The following PHLPP1 variants were observed in gnomAD, a reference collection of about 807,000 sequenced individuals.
PHLPP1 encodes PH domain leucine-rich repeat-containing protein phosphatase 1.
Under a neutral mutation model 117.2 loss-of-function variants are expected in PHLPP1, and 42 were observed. The observed-to-expected ratio is 0.36, with a 90% CI of 0.28 to 0.46. The LOEUF (loss-of-function observed/expected upper bound fraction) is 0.46. PHLPP1 is among the 20% of genes least tolerant of loss of function. The probability of loss-of-function intolerance (pLI) is 1.00; values close to 1 mark genes in which losing one functional copy is unlikely to be tolerated. For missense variants in PHLPP1, 2,084 were observed against 2,241.9 expected (o/e 0.93, Z 1.42); for synonymous variants, 1,042 against 970.7 (o/e 1.07, Z -1.37).
At position 62,903,150 on chromosome 18, in the gene PHLPP1, C is replaced by G. The variant is rs1334448371; in HGVS notation, c.2631C>G (p.Leu877=). 1.2e-6 allele frequency: 2 copies of G among 1,610,842 alleles called. No homozygotes were observed. The highest frequency in any genetic ancestry group is 1.7e-6 in the Non-Finnish European group (2 of 1,177,842). The change falls in exon 7 of 17, where the codon CTC becomes CTG. Residue 877 remains leucine, a synonymous_variant. Coordinates refer to ENST00000262719, the MANE Select transcript of PHLPP1 (RefSeq NM_194449.4). ...TCTGTGGCTATTTCCTAAAAGCGCT[C>G]TATGCCTCTTCTAATGGTATGTATC... ...LDICGYFLKA[L]YASSNELVQL...
intron 10 of PHLPP1, among the ~76,000 whole-genome samples, chr18:62,923,221 C>T (rs1246840813): frequency 2.0e-5 from 3 of 151,846 alleles, no homozygotes; most frequent in Non-Finnish European, 4.4e-5. Context: ...TTGGAGGCTG[C>T]GAGGGGAGGA....
chr18:62,976,679 A>G (rs1251321427), intron 16 of PHLPP1, among the ~76,000 whole-genome samples: 1 of 152,232 alleles, frequency 6.6e-6, no homozygotes, highest in African/African-American at 2.4e-5. Flanking sequence ...ACAGAATCCC[A>G]TGTATAGCTT....
chr18:62,891,295 T>C (rs1377017653), intron 4 of PHLPP1, among the ~76,000 whole-genome samples: 1 of 152,158 alleles, frequency 6.6e-6, no homozygotes, highest in Non-Finnish European at 1.5e-5. Flanking sequence ...TAAATTTAAC[T>C]AAGAAATATA....
At chr18:62,972,461 G>A (rs1434137730) in intron 14 of PHLPP1, 53 bp from the exon 15 acceptor site, 2 of 1,518,730 alleles carry the variant, frequency 1.3e-6, no homozygotes, top group Non-Finnish European at 1.8e-6. Context: ...ACTGGGCTGG[G>A]CCTGGAGCAG....
At chr18:62,888,329 GTGTGTA>G (rs1450119905) in intron 4 of PHLPP1, among the ~76,000 whole-genome samples, 1 of 133,938 alleles carries the variant, frequency 7.5e-6, no homozygotes, top group Non-Finnish European at 1.7e-5. Context: ...GTGTGTGTGT[GTGTGTA>G]TGTTTTTTTT....
At chr18:62,890,128 G>T (rs891886760) in intron 4 of PHLPP1, among the ~76,000 whole-genome samples, 3 of 152,004 alleles carry the variant, frequency 2.0e-5, no homozygotes, top group Non-Finnish European at 4.4e-5. Flanking sequence ...GCAGAGAATG[G>T]TTGTATCTCT....
At chr18:62,787,900 G>A (rs1364673195) in intron 1 of PHLPP1, among the ~76,000 whole-genome samples, 1 of 152,142 alleles carries the variant, frequency 6.6e-6, no homozygotes, top group African/African-American at 2.4e-5. Context: ...TAATCCAGTG[G>A]GTTGGTTAAG....
At chr18:62,945,306 G>A (rs576822370) in intron 12 of PHLPP1, 35 bp downstream of exon 12, 2 of 1,525,462 alleles carry the variant, frequency 1.3e-6, no homozygotes, top group Non-Finnish European at 1.8e-6. Context: ...CTAAGCTTCA[G>A]GTCGGCAAAG....
chr18:62,913,311 A>G (rs565504328), intron 8 of PHLPP1, among the ~76,000 whole-genome samples: 107 of 152,312 alleles, frequency 7.0e-4, no homozygotes, highest in African/African-American at 2.6e-3. Flanking sequence ...TAAAAAAAAA[A>G]ATGAGCATGT....
At chr18:62,938,518 A>G (rs1479169479) in intron 10 of PHLPP1, among the ~76,000 whole-genome samples, 1 of 152,216 alleles carries the variant, frequency 6.6e-6, no homozygotes, top group Non-Finnish European at 1.5e-5. Flanking sequence ...TTTTCCTGAT[A>G]CTATGATAAT....
At chr18:62,851,357 T>C (rs185617769) in intron 3 of PHLPP1, among the ~76,000 whole-genome samples, 15 of 152,318 alleles carry the variant, frequency 9.8e-5, no homozygotes, top group African/African-American at 1.7e-4. Flanking sequence ...TATTTTTGGG[T>C]CTTTTAACTA....
chr18:62,820,834 T>C (rs1914431344), intron 1 of PHLPP1, among the ~76,000 whole-genome samples: 1 of 152,224 alleles, frequency 6.6e-6, no homozygotes, highest in Non-Finnish European at 1.5e-5. Context: ...GTATAGTAAG[T>C]TTATTTTGTT....
intron 8 of PHLPP1, among the ~76,000 whole-genome samples, chr18:62,914,489 C>T (rs1377985712): frequency 6.6e-6 from 1 of 152,150 alleles, no homozygotes; most frequent in Non-Finnish European, 1.5e-5. Context: ...GGTTGGAGTG[C>T]AGTGATGAGA....
At chr18:62,943,865 G>T (rs1030302841) in intron 11 of PHLPP1, among the ~76,000 whole-genome samples, 2 of 151,962 alleles carry the variant, frequency 1.3e-5, no homozygotes, top group Non-Finnish European at 2.9e-5. Flanking sequence ...AGAAATTCGG[G>T]CTATCATAGA....
chr18:62,842,627 G>A (rs868541944), intron 3 of PHLPP1, among the ~76,000 whole-genome samples: 6 of 152,018 alleles, frequency 3.9e-5, no homozygotes, highest in Non-Finnish European at 7.4e-5. Flanking sequence ...GCCTCCCAAA[G>A]TGCTGGGATT....
Position 62,734,310 on chromosome 18 carries a change from C to T in PHLPP1, c.1576+17051C>T, listed in dbSNP as rs184009383. 1.2e-3 allele frequency among the ~76,000 whole-genome samples: 184 copies of T among 152,188 alleles called. 1 individual carries two copies. Among genetic ancestry groups the T allele is most frequent in the Non-Finnish European group, 2.3e-3 (158 of 67,994 alleles). ...CATTTTTTAAAAACCTCTGTATCTC[C>T]TCTCTGGATCTTCATGGAAGAAGGA... On this transcript the variant is annotated intron_variant, in intron 1 of 16. Transcript: ENST00000262719.
At chr18:62,752,213 G>A (rs1199315406) in intron 1 of PHLPP1, among the ~76,000 whole-genome samples, 1 of 152,140 alleles carries the variant, frequency 6.6e-6, no homozygotes, top group Admixed American at 6.5e-5. Flanking sequence ...GAGTAGCTGG[G>A]ACCACAGGCA....
intron 3 of PHLPP1, among the ~76,000 whole-genome samples, chr18:62,845,246 G>A (rs1034542541): frequency 2.0e-5 from 3 of 152,064 alleles, no homozygotes; most frequent in East Asian, 1.9e-4. Flanking sequence ...TGTCACAGTC[G>A]TTATCTCTCC....
intron 4 of PHLPP1, among the ~76,000 whole-genome samples, chr18:62,888,573 C>T (rs1799482705): frequency 6.6e-6 from 1 of 152,058 alleles, no homozygotes; most frequent in Admixed American, 6.6e-5. Context: ...TGGTGATGCA[C>T]ACCTGTGGTC....
Sources: allele counts gnomAD v4.1 joint callset (sites outside exome capture counted in the v4.1 genomes callset), GRCh38; gene constraint gnomAD v4.1.1; transcripts MANE v1.5; gene names NCBI Gene and HGNC (gene_info 2026-07-23, HGNC 2026-07-21).